ARMCX4: variants seen among roughly 807,000 people sequenced by gnomAD.
The protein encoded by ARMCX4 is armadillo repeat-containing X-linked protein 4.
A neutral mutation model predicts 34.7 loss-of-function variants in ARMCX4; 3 were observed. The ratio of observed to expected loss-of-function variants is 0.09; its 90% confidence interval spans 0.04 to 0.22. The LOEUF (loss-of-function observed/expected upper bound fraction) is 0.22. Among genes scored for constraint, ARMCX4 ranks in the 10% least tolerant of loss-of-function variants. ARMCX4 has a pLI of 1.00. For synonymous variants in ARMCX4, 513 were observed against 632.8 expected, an observed-to-expected ratio of 0.81 and a Z score of 2.84; for missense variants, 1,448 against 1,720.8, an observed-to-expected ratio of 0.84 and a Z score of 2.81.
intron 8 of ARMCX4, among the ~76,000 whole-genome samples, chrX:101,507,376 T>G (rs1355237963): frequency 8.9e-6 from 1 of 111,998 alleles, no homozygotes; most frequent in Non-Finnish European, 1.9e-5. Context: ...ATTAAAAGAT[T>G]AAGCACTCAG....
At chrX:101,448,033 T>C (rs1555998367), downstream of ARMCX4, among the ~76,000 whole-genome samples, 2 of 111,693 alleles carry the variant, frequency 1.8e-5, no homozygotes, top group African/African-American at 3.3e-5. Context: ...CCTTCTACTC[T>C]ATCTCCATGA....
At chrX:101,534,574 A>G (rs1935188820), downstream of ARMCX4, among the ~76,000 whole-genome samples, 2 of 111,012 alleles carry the variant, frequency 1.8e-5, no homozygotes, top group South Asian at 7.5e-4. Context: ...ATAGATACAA[A>G]CATATGTGGA....
intron 4 of ARMCX4, among the ~76,000 whole-genome samples, chrX:101,472,963 A>G (rs1410366501): frequency 9.3e-6 from 1 of 107,362 alleles, no homozygotes; most frequent in African/African-American, 3.4e-5. Flanking sequence ...AACAATATTA[A>G]CTTTAAATGT....
rs888578627 is a variant in ARMCX4, at chrX:101,493,379, C to T, written c.4790C>T (p.Ser1597Phe). 4.3e-6 allele frequency: 5 copies of T among 1,154,647 alleles called. No individual in the cohort carries two copies. The highest frequency in any genetic ancestry group is 3.8e-5 in the South Asian group (2 of 52,636). ...GCTGGGGACCAGACTGGTGGAGGCT[C>T]CAGGCCAGGGTCTGAGGATCAGTCC... is the stretch of plus-strand genomic sequence containing the variant. ...PGAGDQTGGG[S>F]RPGSEDQSSG... The change falls in exon 6 of 6, where the codon TCC becomes TTC. Residue 1597 changes from serine to phenylalanine, a missense_variant. Around this residue, in one of 2 missense-constraint regions of ARMCX4, gnomAD observed 1,343 missense variants for 1,540.7 expected, o/e 0.87. Transcript: ENST00000423738.
rs781959022 is a variant in ARMCX4, at chrX:101,426,179, C to A, written n.164+7179C>A. Reference sequence around the variant, plus strand: ...ATGTGTAAAGTTTACAATTAAGGGTCTGTAGGGAGTGAGTGGTTAAAAATA... The same window carrying A: ...ATGTGTAAAGTTTACAATTAAGGGTATGTAGGGAGTGAGTGGTTAAAAATA... On this transcript the variant is annotated intron_variant and non_coding_transcript_variant, in intron 2 of 3. Transcript: ENST00000430461. 2.7e-5 allele frequency among the ~76,000 whole-genome samples: 3 copies of A among 110,849 alleles called. No individual in the cohort carries two copies. The East Asian group carries it at 8.5e-4, about 31-fold the overall frequency.
chrX:101,498,998 C>T (rs1322598217), downstream of ARMCX4: 3 of 111,869 alleles, frequency 2.7e-5, no homozygotes, highest in Admixed American at 9.5e-5. Context: ...TTAAGCCACG[C>T]ATAATCTAGC....
chrX:101,459,370 A>AGGTGCATG (rs1290220949), intron 4 of ARMCX4, among the ~76,000 whole-genome samples: 5 of 111,990 alleles, frequency 4.5e-5, no homozygotes, highest in Non-Finnish European at 9.4e-5. Flanking sequence ...TGGGGAGGGC[A>AGGTGCATG]GGTGCCTGGG....
intron 2 of ARMCX4, among the ~76,000 whole-genome samples, chrX:101,419,917 C>T (rs782009727): frequency 8.9e-6 from 1 of 112,226 alleles, no homozygotes; most frequent in East Asian, 2.8e-4. Context: ...ATACTGAAGT[C>T]TCTTTTCCTC....
intron 11 of ARMCX4, among the ~76,000 whole-genome samples, chrX:101,512,730 C>T (rs1286785203): frequency 5.7e-5 from 6 of 105,481 alleles, no homozygotes; most frequent in African/African-American, 2.1e-4. Context: ...GAAATAGAAC[C>T]AATAGGGGAA....
At chrX:101,464,823 C>T (rs781870790) in intron 4 of ARMCX4, among the ~76,000 whole-genome samples, 1 of 111,695 alleles carries the variant, frequency 9.0e-6, no homozygotes, top group Admixed American at 9.6e-5. Context: ...AGGTGTATGA[C>T]CAACATCACT....
intron 4 of ARMCX4, among the ~76,000 whole-genome samples, chrX:101,458,416 T>A (rs1932425335): frequency 9.0e-6 from 1 of 111,200 alleles, no homozygotes; most frequent in African/African-American, 3.3e-5. Flanking sequence ...TTCGTTATGC[T>A]TCATATAAAA....
chrX:101,530,376 C>G (rs1299043266), intron 11 of ARMCX4, among the ~76,000 whole-genome samples: 2 of 111,223 alleles, frequency 1.8e-5, no homozygotes, highest in African/African-American at 6.5e-5. Context: ...GGAGAAATAC[C>G]TAATGTAAAT....
At chrX:101,483,414 G>T (rs1430439928), upstream of ARMCX4, among the ~76,000 whole-genome samples, 1 of 111,663 alleles carries the variant, frequency 9.0e-6, no homozygotes, top group African/African-American at 3.3e-5. Context: ...GAGTAGAGGA[G>T]TGCCCATTTC....
chrX:101,428,872 CTTTTT>C (rs57998955), intron 2 of ARMCX4, among the ~76,000 whole-genome samples: 2 of 66,254 alleles, frequency 3.0e-5, no homozygotes, highest in Non-Finnish European at 6.1e-5. Context: ...ATTTCTTTTC[CTTTTT>C]TTTTTTTTTT....
At chrX:101,515,381 T>TTCTTTCTTTCTTTCTTTCCTTCTTTC (rs782141206) in intron 11 of ARMCX4, among the ~76,000 whole-genome samples, 4 of 12,266 alleles carry the variant, frequency 3.3e-4, no homozygotes, top group African/African-American at 4.3e-4. Context: ...CTTTCTTTCT[T>TTCTTTCTTTCTTTCTTTCCTTCTTTC]TTTCTTTCTT....
In ARMCX4 at chrX:101,491,790, G is replaced by A; in HGVS notation, c.3201G>A (p.Glu1067=). The A allele has an allele frequency of 1.7e-6, 2 of 1,156,674 alleles. No homozygotes were observed. The highest frequency in any genetic ancestry group is 4.6e-4 in the Middle Eastern group (2 of 4,306). The change falls in exon 6 of 6, where the codon GAG becomes GAA. Residue 1067 remains glutamate (E), a synonymous_variant. Transcript: ENST00000423738. The part of the protein sequence containing the change: ...TAEDEAYAKP[E]AEAMPTSESE... ...AAGATGAGGCCTATGCAAAGCCTGA[G>A]GCTGAGGCCATGCCCACTTCTGAGA...
downstream of ARMCX4, among the ~76,000 whole-genome samples, chrX:101,496,241 G>A (rs189640097): frequency 4.5e-5 from 5 of 110,540 alleles, no homozygotes; most frequent in Admixed American, 4.9e-4. Flanking sequence ...ACCCCTGGGA[G>A]ACATCAAGGC....
chrX:101,483,221 A>T (rs1933543185), upstream of ARMCX4, among the ~76,000 whole-genome samples: 1 of 109,199 alleles, frequency 9.2e-6, no homozygotes, highest in Admixed American at 9.8e-5. Context: ...CCTTACAAGC[A>T]TTGCGAAAAA....
chrX:101,491,831 G>A lies in ARMCX4; in HGVS notation c.3242G>A (p.Gly1081Asp). ...ACTTCTGAGAGTGAGGGTGGGTCAG[G>A]CACTCAAGCCTGCAGAAAGACTCAG... ...MPTSESEGGSGTQACRKTQPN... is the reference protein window; with the variant it reads ...MPTSESEGGSDTQACRKTQPN... Residue 1081 changes from glycine to aspartate, a missense_variant, in exon 6 of 6, where the codon GGC becomes GAC. This residue lies in a region of ARMCX4 where 1,343 missense variants were observed against 1,540.7 expected (regional missense o/e 0.87). Transcript: ENST00000423738. 1.7e-6 allele frequency: 2 copies of A among 1,156,201 alleles called. No individual in the cohort carries two copies. Among genetic ancestry groups the A allele is most frequent in the Non-Finnish European group, 2.3e-6 (2 of 872,734 alleles).
Sources: allele counts gnomAD v4.1 joint callset (sites outside exome capture counted in the v4.1 genomes callset), GRCh38; gene constraint gnomAD v4.1.1; regional missense constraint gnomAD v4.1.1; transcripts MANE v1.5; gene names NCBI Gene and HGNC (gene_info 2026-07-23, HGNC 2026-07-21).